Variants in TEP1 observed in about 807,000 individuals in gnomAD.
TEP1 encodes the protein telomerase protein component 1.
Under a neutral mutation model 306.3 loss-of-function variants are expected in TEP1, and 241 were observed. The ratio of observed to expected loss-of-function variants is 0.79; its 90% CI spans 0.71 to 0.88. The LOEUF (loss-of-function observed/expected upper bound fraction) is 0.88, where lower values mean the gene tolerates loss of function less well. Ranked by LOEUF, TEP1 falls within the 40% of genes least tolerant of loss-of-function variation. TEP1 has a pLI of 0.00. For synonymous variants in TEP1, 1,289 were observed against 1,305.5 expected (o/e 0.99, Z 0.27); for missense variants, 3,051 against 3,276.1 (o/e 0.93, Z 1.68).
At position 20,391,528 on chromosome 14, in the gene TEP1, A is replaced by G. The variant is rs1877717874; in HGVS notation, c.2097+71T>C. 2.0e-6 allele frequency: 3 copies of G among 1,510,540 alleles called. No individual in the cohort carries two copies. In the African/African-American group the frequency reaches 4.2e-5, roughly 21 times the overall value. The allele number at this position is 1,510,540 out of a possible 1,614,324, so 93.6% of individuals were successfully genotyped here. Reference sequence around the variant, plus strand: ...TTGCCTGGGAAAACCAGCTCTGGGAACAGGATACTGCTCAGGATCCCCAGC... The same window carrying G: ...TTGCCTGGGAAAACCAGCTCTGGGAGCAGGATACTGCTCAGGATCCCCAGC... On this transcript the variant is annotated intron_variant, in intron 13 of 54. Coordinates refer to ENST00000262715, the MANE Select transcript of TEP1 (RefSeq NM_007110.5).
chr14:20,396,180 C>T (rs1037237991), intron 10 of TEP1, among the ~76,000 whole-genome samples: 3 of 152,178 alleles, frequency 2.0e-5, no homozygotes, highest in Admixed American at 1.3e-4. Flanking sequence ...TTTTAAGACT[C>T]CCTCTGGGCA....
At chr14:20,409,825 C>T (rs557069481) in intron 1 of TEP1, among the ~76,000 whole-genome samples, 211 of 152,030 alleles carry the variant, frequency 1.4e-3, no homozygotes, top group Non-Finnish European at 2.5e-3. Flanking sequence ...TCGAGACCAT[C>T]CTGGCTAACA....
intron 1 of TEP1, among the ~76,000 whole-genome samples, chr14:20,410,820 TTTTTTTTG>T: frequency 7.1e-6 from 1 of 140,920 alleles, no homozygotes. Flanking sequence ...TTTTTTTTTT[TTTTTTTTG>T]CTTTTTGTTT....
chr14:20,405,555 G>C lies in TEP1; in HGVS notation c.766C>G (p.Leu256Val). ...MALLSLLCST[L>V]VSEVNMNNTS... is the part of the protein sequence containing the mutation. ...TTGTTCATGTTTACTTCTGAGACCAGAGTAGAGCACAGCAAGCTCAGTAGA... is the reference window on the plus strand; with the variant it reads ...TTGTTCATGTTTACTTCTGAGACCACAGTAGAGCACAGCAAGCTCAGTAGA... The change falls in exon 4 of 55, where the codon CTG becomes GTG. Residue 256 changes from leucine (L) to valine (V), a missense_variant. Transcript: ENST00000262715. 5 of 1,614,140 alleles carry C rather than the reference G, an allele frequency of 3.1e-6. No homozygotes were observed. The highest frequency in any genetic ancestry group is 1.1e-5 in the South Asian group (1 of 91,080).
chr14:20,377,489 G>A lies in TEP1; in HGVS notation c.5879C>T (p.Ser1960Phe), dbSNP rs746967740. 2.5e-6 allele frequency: 4 copies of A among 1,613,722 alleles called. No individual in the cohort carries two copies. Among genetic ancestry groups the A allele is most frequent in the Non-Finnish European group, 2.5e-6 (3 of 1,179,728 alleles). ...GIRIYKISSG[S>F]QGAQGQALDV... ...CAGTGCCTGACCCTGAGCCCCCTGG[G>A]AACCTAGAGAATGAGAGAGAACAAG... Residue 1960 changes from serine (S) to phenylalanine (F), a missense_variant, in exon 41 of 55, where the codon TCC becomes TTC. By Grantham distance (155) the Ser-to-Phe change is radical. This residue lies in a region of TEP1 where 1,540 missense variants were observed against 1,705.9 expected (regional missense o/e 0.90). Transcript: ENST00000262715.
At chr14:20,387,760 G>C in intron 18 of TEP1, 145 bp downstream of exon 18, 1 of 996,934 alleles carries the variant, frequency 1.0e-6, no homozygotes, top group Non-Finnish European at 1.4e-6. Flanking sequence ...CCCTGTGGTA[G>C]AGAAACCTCC....
chr14:20,378,715 C>G (rs1273957398), intron 37 of TEP1, 39 bp downstream of exon 37: 1 of 1,605,722 alleles, frequency 6.2e-7, no homozygotes, highest in Non-Finnish European at 8.5e-7. Context: ...TGAGTCATGG[C>G]TCAGGGCCAC....
rs543500689 is a variant in TEP1, at chr14:20,401,205, A to G, written c.1392-64T>C. The G allele has an allele frequency of 1.2e-4, 195 of 1,576,996 alleles. 3 individuals are homozygous for G. The highest frequency in any genetic ancestry group is 4.6e-4 in the Admixed American group (25 of 54,590). ...CAGCAAGAAAATAACTCAGAAAAGG[A>G]AAGGTGAGTCATGTTTACAGGGCAT... On this transcript the variant is annotated intron_variant, in intron 8 of 54. Transcript: ENST00000262715.
At position 20,377,413 on chromosome 14, in the gene TEP1, A is replaced by G. The variant is rs1734640982; in HGVS notation, c.5955T>C (p.Ser1985=). 2 of 1,613,992 alleles carry G rather than the reference A, an allele frequency of 1.2e-6. No individual in the cohort carries two copies. Among genetic ancestry groups the G allele is most frequent in the Non-Finnish European group, 1.7e-6 (2 of 1,179,982 alleles). ...CCTGCAAGGACCCATCTTCTGCACCACTCACCAATACCTTGGGGCTTAGCC... is the reference window on the plus strand; with the variant it reads ...CCTGCAAGGACCCATCTTCTGCACCGCTCACCAATACCTTGGGGCTTAGCC... ...LAWLSPKVLV[S]GAEDGSLQGW... is the part of the protein sequence containing the mutation. The change falls in exon 41 of 55, where the codon AGT becomes AGC. Residue 1985 remains serine, a synonymous_variant. Coordinates refer to ENST00000262715, the MANE Select transcript of TEP1 (RefSeq NM_007110.5).
intron 12 of TEP1, 127 bp downstream of exon 12, chr14:20,395,322 TC>T (rs1878104344): frequency 5.6e-6 from 5 of 895,392 alleles, no homozygotes; most frequent in Non-Finnish European, 8.3e-6. Context: ...ACCAGGCAGT[TC>T]TGAGCCACTG....
chr14:20,384,330 G>A, intron 23 of TEP1, 61 bp downstream of exon 23: 6 of 1,611,400 alleles, frequency 3.7e-6, no homozygotes, highest in Non-Finnish European at 5.1e-6. Context: ...TTCCTCCCCA[G>A]GACAACCCAG....
At chr14:20,382,510 A>G (rs2139059933) in intron 28 of TEP1, 113 bp downstream of exon 28, 1 of 1,530,322 alleles carries the variant, frequency 6.5e-7, no homozygotes, top group Non-Finnish European at 9.0e-7. Flanking sequence ...TGAGGCGAGG[A>G]TAGGGAGTGG....
intron 1 of TEP1, 122 bp from the exon 2 acceptor site, chr14:20,408,585 A>C: frequency 1.3e-6 from 1 of 778,198 alleles, no homozygotes; most frequent in Non-Finnish European, 2.0e-6. Context: ...AAAACAACCA[A>C]TGTTGTTTTT....
At chr14:20,376,721 G>A (rs779717610) in intron 41 of TEP1, among the ~76,000 whole-genome samples, 9 of 152,274 alleles carry the variant, frequency 5.9e-5, no homozygotes, top group Non-Finnish European at 1.0e-4. Flanking sequence ...AGTCTCCCAC[G>A]GGGCAGAAAC....
rs748004225 is a variant in TEP1 at position 20,395,507 on chromosome 14, C to T, written c.1871G>A (p.Arg624Lys). ...GAGCTGCTCATACAACACAGGTATC[C>T]TCATTGCCATCCGAAGCTGCTGACG... ...LSRQQLRMAM[R>K]IPVLYEQLKR... is the part of the protein sequence containing the mutation. The change falls in exon 12 of 55, where the codon AGG (arginine) becomes AAG (lysine). Residue 624 changes from arginine (R) to lysine (K), a missense_variant. By Grantham distance (26) the Arg-to-Lys change is conservative. Transcript: ENST00000262715. 11 of 1,613,498 alleles carry T rather than the reference C, an allele frequency of 6.8e-6. No homozygotes were observed. The highest frequency in any genetic ancestry group is 9.3e-6 in the Non-Finnish European group (11 of 1,179,762).
chr14:20,388,147 G>C, intron 17 of TEP1, 84 bp from the exon 18 acceptor site: 1 of 1,490,622 alleles, frequency 6.7e-7, no homozygotes, highest in Non-Finnish European at 9.2e-7. Flanking sequence ...GGGGGAAAAA[G>C]ATATGTCCAG....
chr14:20,397,219 G>C (rs1878279188), intron 9 of TEP1, among the ~76,000 whole-genome samples: 1 of 152,152 alleles, frequency 6.6e-6, no homozygotes, highest in African/African-American at 2.4e-5. Context: ...GGCCAAAAGA[G>C]AAATTTCGTA....
At chr14:20,410,436 T>A (rs1237096509) in intron 1 of TEP1, among the ~76,000 whole-genome samples, 1 of 152,080 alleles carries the variant, frequency 6.6e-6, no homozygotes. Flanking sequence ...GACTCCTTTT[T>A]TTTTGAGACA....
At chr14:20,374,326 T>C (rs1885042082) in intron 44 of TEP1, 103 bp downstream of exon 44, 1 of 698,276 alleles carries the variant, frequency 1.4e-6, no homozygotes, top group African/African-American at 1.8e-5. Context: ...ATCTCATTTT[T>C]ATGCTCATTT....
Sources: allele counts gnomAD v4.1 joint callset (sites outside exome capture counted in the v4.1 genomes callset), GRCh38; gene constraint gnomAD v4.1.1; regional missense constraint gnomAD v4.1.1; transcripts MANE v1.5; gene names NCBI Gene and HGNC (gene_info 2026-07-23, HGNC 2026-07-21).